The following PRKN variants were observed in gnomAD, a reference collection of about 807,000 sequenced individuals.
The protein encoded by PRKN is parkin RBR E3 ubiquitin protein ligase, also known as E3 ubiquitin-protein ligase parkin.
A neutral mutation model predicts 59.5 loss-of-function variants in PRKN; 56 were observed. The observed-to-expected ratio is 0.94, with a 90% CI of 0.76 to 1.18. The LOEUF is 1.18. PRKN is among the 50% of genes most tolerant of loss of function. PRKN has a pLI of 0.00. For synonymous variants in PRKN, 250 were observed against 222.1 expected (o/e 1.13, Z -1.12); for missense variants, 657 against 596.4 (o/e 1.10, Z -1.06).
chr6:162,619,933 C>T (rs747669265), intron 1 of PRKN, among the ~76,000 whole-genome samples: 1 of 152,140 alleles, frequency 6.6e-6, no homozygotes. Context: ...TATCTTCTCT[C>T]TCACAATATT....
intron 2 of PRKN, among the ~76,000 whole-genome samples, chr6:162,268,438 C>T (rs1780230630): frequency 6.6e-6 from 1 of 152,168 alleles, no homozygotes; most frequent in African/African-American, 2.4e-5. Flanking sequence ...AACACCTTGA[C>T]CTTGGATTTC....
intron 1 of PRKN, among the ~76,000 whole-genome samples, chr6:162,718,644 C>T (rs571280926): frequency 7.2e-5 from 11 of 151,750 alleles, no homozygotes; most frequent in Non-Finnish European, 1.0e-4. Flanking sequence ...ACCTGGGAGG[C>T]GGAGCTTACA....
At chr6:161,818,007 G>A (rs1244165337) in intron 6 of PRKN, among the ~76,000 whole-genome samples, 1 of 152,172 alleles carries the variant, frequency 6.6e-6, no homozygotes, top group Non-Finnish European at 1.5e-5. Context: ...CATGGAAACA[G>A]AGAAACAGCA....
At chr6:162,339,177 A>C (rs1583406630) in intron 2 of PRKN, among the ~76,000 whole-genome samples, 1 of 137,094 alleles carries the variant, frequency 7.3e-6, no homozygotes, top group Non-Finnish European at 1.6e-5. Flanking sequence ...TCCGCCCGGC[A>C]GCCACCCCAT....
At chr6:161,424,709 C>T (rs1788254581) in intron 9 of PRKN, among the ~76,000 whole-genome samples, 1 of 152,074 alleles carries the variant, frequency 6.6e-6, no homozygotes, top group Non-Finnish European at 1.5e-5. Context: ...ACTCCCTGTA[C>T]TAAAAGGAGG....
intron 2 of PRKN, among the ~76,000 whole-genome samples, chr6:162,364,968 TC>T (rs1324962786): frequency 6.9e-6 from 1 of 145,772 alleles, no homozygotes; most frequent in Admixed American, 6.9e-5. Context: ...TCTCCCTCTC[TC>T]TCTCTCTCTC....
At chr6:162,024,586 A>G (rs1162245254) in intron 5 of PRKN, among the ~76,000 whole-genome samples, 1 of 152,188 alleles carries the variant, frequency 6.6e-6, no homozygotes, top group Non-Finnish European at 1.5e-5. Flanking sequence ...GAGATCTTTC[A>G]TCTCCTTGAT....
At chr6:162,615,447 A>ATTTT (rs5881481) in intron 1 of PRKN, among the ~76,000 whole-genome samples, 1 of 151,336 alleles carries the variant, frequency 6.6e-6, no homozygotes, top group Non-Finnish European at 1.5e-5. Context: ...CATGAGATGG[A>ATTTT]TTTTTTTTTT....
intron 2 of PRKN, among the ~76,000 whole-genome samples, chr6:162,403,509 C>A (rs1787902988): frequency 6.6e-6 from 1 of 152,152 alleles, no homozygotes; most frequent in Admixed American, 6.5e-5. Flanking sequence ...ATGGATTTAT[C>A]TTGTCTGTCG....
rs371443817 is a variant in PRKN, at chr6:162,228,068, G to T, written c.413-26816C>A. On this transcript the variant is annotated intron_variant, in intron 3 of 11. Coordinates refer to ENST00000366898, the MANE Select transcript of PRKN (RefSeq NM_004562.3). ...GTAGAGAGAATTCTCCAAATAGAAG[G>T]TGTAGAAACCTCACTACGCTGAGCT... Among the ~76,000 whole-genome samples, 104 of 152,262 alleles carry T rather than the reference G, an allele frequency of 6.8e-4. 2 individuals carry two copies. In the South Asian group the frequency reaches 0.02, roughly 29 times the overall value.
intron 7 of PRKN, among the ~76,000 whole-genome samples, chr6:161,682,230 G>A (rs1219844570): frequency 1.3e-5 from 2 of 152,188 alleles, no homozygotes; most frequent in African/African-American, 4.8e-5. Context: ...GAACACACAG[G>A]TGTGGAAAAG....
intron 6 of PRKN, among the ~76,000 whole-genome samples, chr6:161,792,761 G>A (rs1326867415): frequency 2.0e-5 from 3 of 152,114 alleles, no homozygotes; most frequent in Admixed American, 1.3e-4. Context: ...CACACATGGA[G>A]AACTATGACT....
intron 1 of PRKN, among the ~76,000 whole-genome samples, chr6:162,626,716 A>G (rs1954807): frequency 0.61 from 92,786 of 151,342 alleles, 29,155 homozygotes; most frequent in African/African-American, 0.75. Flanking sequence ...TTGGAGGCTG[A>G]GGCAGGAGAA....
chr6:162,667,820 T>C (rs1213212345), intron 1 of PRKN, among the ~76,000 whole-genome samples: 1 of 152,148 alleles, frequency 6.6e-6, no homozygotes, highest in African/African-American at 2.4e-5. Flanking sequence ...TTTCTTCATC[T>C]ATAAGATGGG....
At chr6:162,509,448 A>T (rs139720383) in intron 1 of PRKN, among the ~76,000 whole-genome samples, 1 of 152,340 alleles carries the variant, frequency 6.6e-6, no homozygotes, top group Admixed American at 6.5e-5. Flanking sequence ...CAACAAAAAG[A>T]GGATTTGAAA....
chr6:162,487,789 C>T (rs533123983), intron 1 of PRKN, among the ~76,000 whole-genome samples: 47 of 152,124 alleles, frequency 3.1e-4, no homozygotes, highest in African/African-American at 1.1e-3. Context: ...TATAAAATAA[C>T]GCCTGGCTGG....
At chr6:161,654,015 A>T (rs1352254439) in intron 7 of PRKN, among the ~76,000 whole-genome samples, 1 of 151,724 alleles carries the variant, frequency 6.6e-6, no homozygotes, top group Admixed American at 6.6e-5. Context: ...TTTTTTTTTT[A>T]AAGATGGGGA....
intron 5 of PRKN, among the ~76,000 whole-genome samples, chr6:161,999,129 G>C (rs557576094): frequency 2.6e-5 from 4 of 152,158 alleles, no homozygotes; most frequent in African/African-American, 9.6e-5. Flanking sequence ...TCCACCACAA[G>C]CGATTCTCCT....
At chr6:162,651,116 T>C (rs998280772) in intron 1 of PRKN, among the ~76,000 whole-genome samples, 11 of 152,026 alleles carry the variant, frequency 7.2e-5, no homozygotes, top group African/African-American at 2.7e-4. Context: ...AACCACAATA[T>C]GGCTTTGTTT....
Sources: allele counts gnomAD v4.1 joint callset (sites outside exome capture counted in the v4.1 genomes callset), GRCh38; gene constraint gnomAD v4.1.1; transcripts MANE v1.5; gene names NCBI Gene and HGNC (gene_info 2026-07-23, HGNC 2026-07-21).